Variants in TYMP observed in about 807,000 individuals in gnomAD.
The protein encoded by TYMP is gliostatin.
In TYMP, 46 loss-of-function variants were observed where a neutral mutation model predicts 42.3. The observed-to-expected ratio is 1.09, with a 90% CI of 0.86 to 1.39. The LOEUF (loss-of-function observed/expected upper bound fraction) is 1.39, where lower values mean the gene tolerates loss of function less well. TYMP is among the 40% of genes most tolerant of loss of function. TYMP has a pLI of 0.00. For synonymous variants in TYMP, 363 were observed against 308.0 expected, an observed-to-expected ratio of 1.18 and a Z score of -1.87; for missense variants, 837 against 677.6, an observed-to-expected ratio of 1.24 and a Z score of -2.61.
Position 50,526,423 on chromosome 22 carries a change from C to T in TYMP, c.982G>A (p.Ala328Thr). The change falls in exon 8 of 10, where the codon GCC becomes ACC. Residue 328 changes from alanine (A) to threonine (T), a missense_variant. Ala to Thr is a moderately conservative substitution (Grantham distance 58, BLOSUM62 0). Coordinates refer to ENST00000252029, the MANE Select transcript of TYMP (RefSeq NM_001953.5). ...GHAGTQAQGA[A>T]RVAAALDDGS... ...TCGTCCAGCGCCGCGGCCACCCGGG[C>T]AGCGCCCTGGGCCTGAGTCCCCGCG... 1 of 1,507,478 alleles carries T rather than the reference C, an allele frequency of 6.6e-7. No individual in the cohort carries two copies. Among genetic ancestry groups the T allele is most frequent in the South Asian group, 1.2e-5 (1 of 80,562 alleles). 93.4% of individuals were successfully genotyped at this position (1,507,478 alleles called of 1,614,324 possible). A position where few individuals can be genotyped will look rare whatever the true frequency, so the allele number is the denominator to read the frequency against.
At position 50,526,116 on chromosome 22, in the gene TYMP, C is replaced by G; in HGVS notation, c.1185G>C (p.Leu395=). ...ADGTVELVRA[L]PLALVLHELG... ...GCTCGTGCAGCACCAGCGCCAGCGG[C>G]AGCGCCCGGACCAGCTCCACGGTGC... The change falls in exon 9 of 10, where the codon CTG becomes CTC. Residue 395 remains leucine, a synonymous_variant. Transcript: ENST00000252029. 1 of 1,488,772 alleles carries G rather than the reference C, an allele frequency of 6.7e-7. No homozygotes were observed. The highest frequency in any genetic ancestry group is 1.3e-5 in the South Asian group (1 of 78,700). The allele number at this position is 1,488,772 out of a possible 1,614,324, so 92.2% of individuals were successfully genotyped here. A position where few individuals can be genotyped will look rare whatever the true frequency, so the allele number is the denominator to read the frequency against.
rs749358951 is a variant in TYMP at position 50,529,497 on chromosome 22, G to T, written c.213C>A (p.Ile71=). The T allele has an allele frequency of 6.2e-7, 1 of 1,612,398 alleles. No individual in the cohort carries two copies. Residue 71 remains isoleucine, a splice_region_variant and synonymous_variant, in exon 2 of 10, where the codon ATC becomes ATA. Coordinates refer to ENST00000252029, the MANE Select transcript of TYMP (RefSeq NM_001953.5). ...GAACGCCCAACCCTCCCCACGCACC[G>T]ATCTGTGCGCCCTGCGCGCTCCCAT... The part of the protein sequence containing the change: ...VVNGSAQGAQ[I]GAMLMAIRLR...
At chr22:50,527,436 G>A in intron 5 of TYMP, 152 bp downstream of exon 5, 1 of 1,332,310 alleles carries the variant, frequency 7.5e-7, no homozygotes, top group Non-Finnish European at 1.1e-6. Flanking sequence ...TGAGTATCAG[G>A]CCACCCCACA....
rs1466150223 is a variant in TYMP, at chr22:50,529,181, C to T, written c.372G>A (p.Lys124=). The T allele has an allele frequency of 2.5e-6, 4 of 1,613,210 alleles. No homozygotes were observed. The highest frequency in any genetic ancestry group is 2.7e-5 in the African/African-American group (2 of 74,928). Residue 124 remains lysine (K), a synonymous_variant, in exon 3 of 10, where the codon AAG becomes AAA. Transcript: ENST00000252029. The stretch of plus-strand genomic sequence containing the variant: ...GGGCAGGTGCGAGGACCAGGCTGAC[C>T]TTGTCACCCACACCCCCTGTGGAAT... ...DKHSTGGVGD[K]VSLVLAPALA... is the part of the protein sequence containing the mutation.
In TYMP at chr22:50,529,517, T is replaced by C. The variant is rs146922557; in HGVS notation, c.193A>G (p.Ser65Gly). ...GCACCGATCTGTGCGCCCTGCGCGC[T>C]CCCATTCACCACAGCGGCCACGAAG... ...RGFVAAVVNG[S>G]AQGAQIGAML... The change falls in exon 2 of 10, where the codon AGC becomes GGC. Residue 65 changes from serine (S) to glycine (G), a missense_variant. By Grantham distance (56) the Ser-to-Gly change is moderately conservative. Coordinates refer to ENST00000252029, the MANE Select transcript of TYMP (RefSeq NM_001953.5). 171 of 1,612,826 alleles carry C rather than the reference T, an allele frequency of 1.1e-4. No homozygotes were observed. The highest frequency in any genetic ancestry group is 1.4e-4 in the Non-Finnish European group (165 of 1,179,922).
chr22:50,527,510 C>G, intron 5 of TYMP, 78 bp downstream of exon 5: 1 of 1,609,750 alleles, frequency 6.2e-7, no homozygotes. Context: ...CGGGTAACTC[C>G]TAACGAGAGG....
rs372115951 is a variant in TYMP at position 50,529,814 on chromosome 22, C to T, written c.-11+90G>A. On this transcript the variant is annotated intron_variant, in intron 1 of 9. Coordinates refer to ENST00000252029, the MANE Select transcript of TYMP (RefSeq NM_001953.5). ...TCCCGACCCCTTTCCCGTGTCTCTC[C>T]GGTGTCCGCCCCTCGGTCCCGTGTC... is the stretch of plus-strand genomic sequence containing the variant. The T allele has an allele frequency of 7.0e-4, 735 of 1,057,000 alleles. 7 individuals carry two copies. The South Asian group carries it at 0.011, about 15-fold the overall frequency. 65.5% of individuals were successfully genotyped at this position (1,057,000 alleles called of 1,614,324 possible).
Position 50,529,118 on chromosome 22 carries a change from AAGG to A in TYMP, c.417+15_417+17del. ...TGTGCGGTATAGGCTCCCGTCTGGA[AAGG>A]AGGTGGTTTCTAACCTTGCAGCCAC... On this transcript the variant is annotated intron_variant, in intron 3 of 9. Coordinates refer to ENST00000252029, the MANE Select transcript of TYMP (RefSeq NM_001953.5). The A allele has an allele frequency of 1.2e-6, 2 of 1,612,708 alleles. No homozygotes were observed. The highest frequency in any genetic ancestry group is 1.7e-6 in the Non-Finnish European group (2 of 1,179,816).
Position 50,529,557 on chromosome 22 carries a change from T to C in TYMP, c.153A>G (p.Glu51=), listed in dbSNP as rs746889040. The change falls in exon 2 of 10, where the codon GAA becomes GAG. Residue 51 remains glutamate, a synonymous_variant. Transcript: ENST00000252029. ...CGGCCACGAAGCCCCTGATGTCCGC[T>C]TCGCTCAGGCGGCCTCCGTCTCGCT... ...RMKRDGGRLS[E]ADIRGFVAAV... The C allele has an allele frequency of 4.3e-6, 7 of 1,613,152 alleles. No homozygotes were observed. The Admixed American group carries it at 1.0e-4, about 23-fold the overall frequency.
At position 50,529,749 on chromosome 22, in the gene TYMP, T is replaced by C. The variant is rs1329666276; in HGVS notation, c.-10-30A>G. 3 of 1,574,206 alleles carry C rather than the reference T, an allele frequency of 1.9e-6. No individual in the cohort carries two copies. In the South Asian group the frequency reaches 3.4e-5, roughly 18 times the overall value. On this transcript the variant is annotated intron_variant, in intron 1 of 9. Transcript: ENST00000252029. ...GGGGATGCCTGACACGTCCGGGGTCTGCGGCCTCCCGGCGTCGGTGTCTGA... is the reference window on the plus strand; with the variant it reads ...GGGGATGCCTGACACGTCCGGGGTCCGCGGCCTCCCGGCGTCGGTGTCTGA...
rs978271193 is a variant in TYMP at position 50,529,792 on chromosome 22, C to T, written c.-10-73G>A. 3.0e-6 allele frequency: 4 copies of T among 1,322,468 alleles called. No individual in the cohort carries two copies. In the African/African-American group the frequency reaches 4.4e-5, roughly 14 times the overall value. The allele number at this position is 1,322,468 out of a possible 1,614,324, so 81.9% of individuals were successfully genotyped here. A position where few individuals can be genotyped will look rare whatever the true frequency, so the allele number is the denominator to read the frequency against. On this transcript the variant is annotated intron_variant, in intron 1 of 9. Coordinates refer to ENST00000252029, the MANE Select transcript of TYMP (RefSeq NM_001953.5). ...GTGTCTGAGCCACGTGCTCCTGTCC[C>T]GACCCCTTTCCCGTGTCTCTCCGGT...
In TYMP at chr22:50,529,560, G is replaced by A. The variant is rs1162530173; in HGVS notation, c.150C>T (p.Ser50=). 6.2e-7 allele frequency: 1 copy of A among 1,613,136 alleles called. No homozygotes were observed. Among genetic ancestry groups the A allele is most frequent in the South Asian group, 1.1e-5 (1 of 91,088 alleles). The part of the protein sequence containing the change: ...IRMKRDGGRL[S]EADIRGFVAA... Reference sequence around the variant, plus strand: ...CCACGAAGCCCCTGATGTCCGCTTCGCTCAGGCGGCCTCCGTCTCGCTTCA... The same window carrying A: ...CCACGAAGCCCCTGATGTCCGCTTCACTCAGGCGGCCTCCGTCTCGCTTCA... The change falls in exon 2 of 10, where the codon AGC becomes AGT. Residue 50 remains serine, a synonymous_variant. Transcript: ENST00000252029.
At chr22:50,527,134 C>T (rs2069418371) in intron 6 of TYMP, 31 bp downstream of exon 6, 1 of 1,563,202 alleles carries the variant, frequency 6.4e-7, no homozygotes. Flanking sequence ...CGCATCAAGA[C>T]GCTTGCCCAG....
intron 8 of TYMP, 39 bp from the exon 9 acceptor site, chr22:50,526,180 G>C (rs1444142464): frequency 6.8e-7 from 1 of 1,472,948 alleles, no homozygotes; most frequent in Non-Finnish European, 9.0e-7. Flanking sequence ...GCTCGGGAAG[G>C]GGCGGGGCCT....
At chr22:50,528,391 G>A in intron 4 of TYMP, 121 bp downstream of exon 4, 1 of 876,244 alleles carries the variant, frequency 1.1e-6, no homozygotes, top group Non-Finnish European at 1.9e-6. Context: ...AGTGACTCAT[G>A]AGTAACCTTG....
chr22:50,526,243 C>T lies in TYMP; in HGVS notation c.1159+3G>A. ...GAAGGACGGGGACTCCCCCGACGCT[C>T]ACCATCTGCGGGCGCCAGCAGCTCC... On this transcript the variant is annotated splice_donor_region_variant and intron_variant, in intron 8 of 9. Coordinates refer to ENST00000252029, the MANE Select transcript of TYMP (RefSeq NM_001953.5). The T allele has an allele frequency of 6.5e-7, 1 of 1,540,326 alleles. No individual in the cohort carries two copies. The highest frequency in any genetic ancestry group is 8.7e-7 in the Non-Finnish European group (1 of 1,152,676).
rs753244234 is a variant in TYMP, at chr22:50,529,703, C to G, written c.7G>C (p.Ala3Pro). The change falls in exon 2 of 10, where the codon GCC (alanine) becomes CCC (proline). Residue 3 changes from alanine (A) to proline (P), a missense_variant. Physicochemically the swap from Ala to Pro is conservative, Grantham distance 27. Coordinates refer to ENST00000252029, the MANE Select transcript of TYMP (RefSeq NM_001953.5). MA[A>P]LMTPGTGAPP... ...GCCCCGGTTCCCGGGGTCATCAAGG[C>G]TGCCATCGCTCCGGGCCTGCGGGGA... The G allele has an allele frequency of 6.2e-7, 1 of 1,610,098 alleles. No homozygotes were observed. The highest frequency in any genetic ancestry group is 8.5e-7 in the Non-Finnish European group (1 of 1,178,970).
At chr22:50,525,977 C>T (rs1336893703) in intron 9 of TYMP, 24 bp downstream of exon 9, 4 of 1,388,640 alleles carry the variant, frequency 2.9e-6, no homozygotes, top group East Asian at 3.0e-5. Flanking sequence ...GGTGCGGGGC[C>T]AGCAGGGCGG....
intron 1 of TYMP, 32 bp from the exon 2 acceptor site, chr22:50,529,751 C>T (rs1284737848): frequency 2.6e-6 from 4 of 1,563,030 alleles, no homozygotes; most frequent in East Asian, 2.3e-5. Flanking sequence ...CCGGGGTCTG[C>T]GGCCTCCCGG....
Sources: allele counts gnomAD v4.1 joint callset, GRCh38; gene constraint gnomAD v4.1.1; transcripts MANE v1.5; gene names NCBI Gene and HGNC (gene_info 2026-07-23, HGNC 2026-07-21).